The following SLC2A14 variants were observed in gnomAD, a reference collection of about 807,000 sequenced individuals.
The protein encoded by SLC2A14 is solute carrier family 2, facilitated glucose transporter member 14.
A neutral mutation model predicts 43.0 loss-of-function variants in SLC2A14; 13 were observed. The observed-to-expected ratio is 0.30, with a 90% CI of 0.20 to 0.48. The LOEUF is 0.48. Ranked by LOEUF, SLC2A14 falls within the 20% of genes least tolerant of loss-of-function variation. The pLI is 0.99. For missense variants in SLC2A14, 428 were observed against 620.4 expected (o/e 0.69, Z 3.29); for synonymous variants, 190 against 233.8 (o/e 0.81, Z 1.71).
At chr12:7,825,539 A>ATGG (rs1363739917) in intron 7 of SLC2A14, among the ~76,000 whole-genome samples, 1 of 140,800 alleles carries the variant, frequency 7.1e-6, no homozygotes, top group Non-Finnish European at 1.6e-5. Context: ...CGAGGCGGGC[A>ATGG]GATCACAAAG....
At chr12:7,832,175 A>G (rs748730510) in intron 3 of SLC2A14, among the ~76,000 whole-genome samples, 39 of 152,344 alleles carry the variant, frequency 2.6e-4, no homozygotes, top group African/African-American at 9.4e-4. Context: ...GGGAATAAAT[A>G]GACGGGAATT....
chr12:7,888,490 G>T (rs746166003), intron 1 of SLC2A14, among the ~76,000 whole-genome samples: 1 of 152,090 alleles, frequency 6.6e-6, no homozygotes, highest in South Asian at 2.1e-4. Flanking sequence ...AGGCATAGTT[G>T]ACAAAGATGT....
chr12:7,865,965 C>T (rs1435744004), intron 2 of SLC2A14, among the ~76,000 whole-genome samples: 2 of 152,040 alleles, frequency 1.3e-5, no homozygotes, highest in Admixed American at 6.6e-5. Flanking sequence ...GCCTGTAATC[C>T]CAACACTTTG....
chr12:7,872,815 C>T lies in SLC2A14; in HGVS notation c.-66G>A. 1 of 985,636 alleles carries T rather than the reference C, an allele frequency of 1.0e-6. No homozygotes were observed. The highest frequency in any genetic ancestry group is 1.2e-6 in the Non-Finnish European group (1 of 830,120). The allele number at this position is 985,636 out of a possible 1,614,324, so 61.1% of individuals were successfully genotyped here. ...CGGCGCGGCGCACCCACCTCCCAGA[C>T]CCCGCGACTGCGGTTGGGCCCCGCG... On this transcript the variant is annotated 5_prime_UTR_variant, in exon 1 of 11. Coordinates refer to ENST00000431042, the MANE Select transcript of SLC2A14 (RefSeq NM_001286234.2).
chr12:7,824,606 G>A (rs1265534480), intron 7 of SLC2A14, among the ~76,000 whole-genome samples: 3 of 151,062 alleles, frequency 2.0e-5, no homozygotes, highest in South Asian at 4.2e-4. Flanking sequence ...AGTGGTGCAC[G>A]CCTGTAATCC....
intron 10 of SLC2A14, 32 bp from the exon 11 acceptor site, chr12:7,814,566 T>C (rs752759457): frequency 6.3e-7 from 1 of 1,593,954 alleles, no homozygotes; most frequent in Non-Finnish European, 8.5e-7. Flanking sequence ...GGAAGGTTGA[T>C]ATAAAAATCT....
At chr12:7,843,904 C>A (rs56303583) in intron 2 of SLC2A14, among the ~76,000 whole-genome samples, 68,639 of 143,210 alleles carry the variant, frequency 0.48, 16,364 homozygotes, top group Middle Eastern at 0.6. Flanking sequence ...AAGAAAAAAA[C>A]ACATTGTTTT....
Position 7,822,850 on chromosome 12 carries a change from C to T in SLC2A14, c.865-1525G>A, listed in dbSNP as rs1005346611. The stretch of plus-strand genomic sequence containing the variant: ...ATGTGCCATCAGGCCCAGCTAAATG[C>T]TTTTTTAATTGACTCTTCCCCAAAC... On this transcript the variant is annotated intron_variant, in intron 7 of 10. Transcript: ENST00000431042. Among the ~76,000 whole-genome samples the T allele has an allele frequency of 5.9e-5, 9 of 152,112 alleles. No individual in the cohort carries two copies. The South Asian group carries it at 1.7e-3, about 28-fold the overall frequency.
rs182188701 is a variant in SLC2A14, at chr12:7,864,590, G to A, written c.18+5273C>T. 4.3e-3 allele frequency among the ~76,000 whole-genome samples: 651 copies of A among 152,226 alleles called. 8 individuals carry two copies. Among genetic ancestry groups the A allele is most frequent in the African/African-American group, 0.015 (631 of 41,530 alleles). On this transcript the variant is annotated intron_variant, in intron 2 of 10. Transcript: ENST00000431042. ...CCGGACCTCATCATCCGCCGGCCTC[G>A]GCCTCCCAAAGTGTTGGGATTACAG...
intron 1 of SLC2A14, among the ~76,000 whole-genome samples, chr12:7,879,603 G>C (rs1012193419): frequency 2.0e-5 from 3 of 152,056 alleles, no homozygotes; most frequent in Non-Finnish European, 4.4e-5. Flanking sequence ...AGAATCGCTT[G>C]AACCCTGGAG....
intron 2 of SLC2A14, among the ~76,000 whole-genome samples, chr12:7,852,678 T>C (rs1338773192): frequency 1.3e-5 from 2 of 152,132 alleles, no homozygotes; most frequent in African/African-American, 4.8e-5. Flanking sequence ...CTTGTAATCA[T>C]GACAACAAAA....
intron 3 of SLC2A14, among the ~76,000 whole-genome samples, chr12:7,832,151 C>T (rs950229710): frequency 3.9e-5 from 6 of 152,148 alleles, no homozygotes; most frequent in Admixed American, 6.6e-5. Flanking sequence ...ATCATTTCCT[C>T]CCTAGAGAAT....
At chr12:7,853,366 G>A (rs1428218177) in intron 2 of SLC2A14, among the ~76,000 whole-genome samples, 2 of 149,530 alleles carry the variant, frequency 1.3e-5, no homozygotes, top group Non-Finnish European at 3.0e-5. Flanking sequence ...TTGAACCCGG[G>A]AGGTGGAGGT....
At chr12:7,821,798 G>A (rs931237282) in intron 7 of SLC2A14, among the ~76,000 whole-genome samples, 10 of 150,040 alleles carry the variant, frequency 6.7e-5, no homozygotes, top group Admixed American at 4.0e-4. Flanking sequence ...TCCTGCCACC[G>A]CGCCCAGCTA....
intron 10 of SLC2A14, among the ~76,000 whole-genome samples, chr12:7,817,452 A>C (rs963694982): frequency 6.6e-6 from 1 of 151,656 alleles, no homozygotes; most frequent in Admixed American, 6.6e-5. Flanking sequence ...TCAATATGTC[A>C]GCCTACGTAG....
intron 2 of SLC2A14, among the ~76,000 whole-genome samples, chr12:7,850,993 C>T (rs1402740273): frequency 1.3e-5 from 2 of 152,170 alleles, no homozygotes; most frequent in African/African-American, 2.4e-5. Flanking sequence ...CGACCTCAAC[C>T]CTGAACCCCA....
At chr12:7,888,322 C>T (rs762371884) in intron 1 of SLC2A14, among the ~76,000 whole-genome samples, 11 of 152,084 alleles carry the variant, frequency 7.2e-5, no homozygotes, top group Non-Finnish European at 1.3e-4. Context: ...TAAAGAAATG[C>T]ACGTTTTTAA....
intron 4 of SLC2A14, 151 bp from the exon 5 acceptor site, chr12:7,830,157 CTT>C (rs71038781): frequency 0.35 from 260,273 of 750,742 alleles, 17,108 homozygotes; most frequent in East Asian, 0.43. Context: ...TCTTTTCTTT[CTT>C]TTTTTTTTTT....
intron 6 of SLC2A14, among the ~76,000 whole-genome samples, chr12:7,828,222 G>T (rs1364980606): frequency 1.3e-5 from 2 of 152,056 alleles, no homozygotes; most frequent in African/African-American, 4.8e-5. Flanking sequence ...ACATTAGCTG[G>T]CGTGGTGTCG....
Sources: allele counts gnomAD v4.1 joint callset (sites outside exome capture counted in the v4.1 genomes callset), GRCh38; gene constraint gnomAD v4.1.1; transcripts MANE v1.5; gene names NCBI Gene and HGNC (gene_info 2026-07-23, HGNC 2026-07-21).